The following UNC5A variants were observed in gnomAD, a reference collection of about 807,000 sequenced individuals.
UNC5A encodes the protein netrin receptor UNC5A.
A neutral mutation model predicts 87.4 loss-of-function variants in UNC5A; 20 were observed. The ratio of observed to expected loss-of-function variants is 0.23; its 90% confidence interval spans 0.16 to 0.33. UNC5A has a LOEUF of 0.33. Among genes scored for constraint, UNC5A ranks in the 10% least tolerant of loss-of-function variants. The pLI, the probability that UNC5A is intolerant of heterozygous loss-of-function variation, is 1.00. For synonymous variants in UNC5A, 438 were observed against 482.3 expected, an observed-to-expected ratio of 0.91 and a Z score of 1.20; for missense variants, 844 against 1,133.4, an observed-to-expected ratio of 0.74 and a Z score of 3.67.
chr5:176,811,920 A>T (rs528206610), intron 1 of UNC5A, among the ~76,000 whole-genome samples: 1 of 152,196 alleles, frequency 6.6e-6, no homozygotes, highest in Admixed American at 6.5e-5. Context: ...GATTGATCAG[A>T]GATCAATGAG....
At chr5:176,861,799 G>A (rs1757846103) in intron 1 of UNC5A, among the ~76,000 whole-genome samples, 1 of 133,562 alleles carries the variant, frequency 7.5e-6, no homozygotes, top group Non-Finnish European at 1.6e-5. Flanking sequence ...ATGCGCATTG[G>A]TGGGGGGATC....
intron 1 of UNC5A, among the ~76,000 whole-genome samples, chr5:176,858,768 A>AGGC (rs1757733697): frequency 2.0e-3 from 278 of 135,844 alleles, no homozygotes; most frequent in African/African-American, 8.3e-3. Context: ...GGAAGGAAGG[A>AGGC]AGGAAGGCAA....
At chr5:176,847,708 C>G (rs1266941057) in intron 1 of UNC5A, among the ~76,000 whole-genome samples, 7 of 152,050 alleles carry the variant, frequency 4.6e-5, no homozygotes, top group Admixed American at 6.5e-5. Context: ...CTCGGGGGGG[C>G]CCACAGTATA....
At chr5:176,812,827 C>T (rs1200132821) in intron 1 of UNC5A, among the ~76,000 whole-genome samples, 1 of 152,138 alleles carries the variant, frequency 6.6e-6, no homozygotes, top group African/African-American at 2.4e-5. Context: ...GGCCCTACTT[C>T]TTTGGGACTC....
intron 6 of UNC5A, among the ~76,000 whole-genome samples, chr5:176,872,175 T>C (rs1581276570): frequency 3.0e-5 from 2 of 66,288 alleles, no homozygotes; most frequent in Non-Finnish European, 5.7e-5. Flanking sequence ...CTGCCCACAC[T>C]CGCCCCACAC....
chr5:176,817,332 C>T (rs1158252790), intron 1 of UNC5A, among the ~76,000 whole-genome samples: 1 of 151,912 alleles, frequency 6.6e-6, no homozygotes, highest in Non-Finnish European at 1.5e-5. Flanking sequence ...GCACCTGAAG[C>T]GCCTTGGGGA....
chr5:176,869,666 T>A lies in UNC5A; in HGVS notation c.721+702T>A. On this transcript the variant is annotated intron_variant, in intron 5 of 14. Coordinates refer to ENST00000329542, the MANE Select transcript of UNC5A (RefSeq NM_133369.3). The surrounding 1 kb of genome is among the most constrained non-coding windows in gnomAD (Gnocchi z 9.1). ...AGTGGTCCGTCTGCAGCGCCAGCTG[T>A]GGGCGCGGCTGGCAGAAACGGAGCC... The A allele has an allele frequency of 1.4e-6, 1 of 698,704 alleles. No individual in the cohort carries two copies. The highest frequency in any genetic ancestry group is 2.6e-6 in the Non-Finnish European group (1 of 382,534). 43.3% of individuals were successfully genotyped at this position (698,704 alleles called of 1,614,324 possible). A position where few individuals can be genotyped will look rare whatever the true frequency, so the allele number is the denominator to read the frequency against.
chr5:176,877,692 G>A lies in UNC5A; in HGVS notation c.1624G>A (p.Gly542Ser). Residue 542 changes from glycine to serine, a missense_variant, in exon 10 of 15, where the codon GGC becomes AGC. Physicochemically the swap from Gly to Ser is moderately conservative, Grantham distance 56. Transcript: ENST00000329542. ...SLRLKKQSCE[G>S]SWEDVLHLGE... ...GCGCCTCAAAAAGCAGTCGTGCGAG[G>A]GCAGCTGGGAGGTGAGCAGGGAACT... is the stretch of plus-strand genomic sequence containing the variant. 2 of 1,603,952 alleles carry A rather than the reference G, an allele frequency of 1.2e-6. No individual in the cohort carries two copies. Among genetic ancestry groups the A allele is most frequent in the Non-Finnish European group, 1.7e-6 (2 of 1,173,854 alleles).
chr5:176,844,943 C>T lies in UNC5A; in HGVS notation c.71-17681C>T, dbSNP rs971988422. The stretch of plus-strand genomic sequence containing the variant: ...GGTGGGTTGGTGGCTCGCAGCTTGC[C>T]GGAAAAGCCCCACCTTATCAGAGGG... On this transcript the variant is annotated intron_variant, in intron 1 of 14. Transcript: ENST00000329542. The surrounding 1 kb of genome is among the most constrained non-coding windows in gnomAD (Gnocchi z 4.2). Among the ~76,000 whole-genome samples, 4 of 152,170 alleles carry T rather than the reference C, an allele frequency of 2.6e-5. No individual in the cohort carries two copies. The highest frequency in any genetic ancestry group is 4.8e-5 in the African/African-American group (2 of 41,434).
chr5:176,874,221 G>A lies in UNC5A; in HGVS notation c.1076-43G>A, dbSNP rs765382553. The A allele has an allele frequency of 6.9e-6, 11 of 1,591,814 alleles. No homozygotes were observed. In the South Asian group the frequency reaches 1.1e-4, roughly 16 times the overall value. On this transcript the variant is annotated intron_variant, in intron 7 of 14. Coordinates refer to ENST00000329542, the MANE Select transcript of UNC5A (RefSeq NM_133369.3). This position sits in a 1 kb window ranked among gnomAD's most constrained non-coding sequence, Gnocchi z 7.6. ...CCACGCCAAGGGCTGCTGGGGCAGGGATGCCCTAGGTGCCATTGCCTGAGT... is the reference window on the plus strand; with the variant it reads ...CCACGCCAAGGGCTGCTGGGGCAGGAATGCCCTAGGTGCCATTGCCTGAGT...
Position 176,865,536 on chromosome 5 carries a change from G to C in UNC5A, c.293-2594G>C, listed in dbSNP as rs1289538233. 2.2e-6 allele frequency: 1 copy of C among 454,604 alleles called. No individual in the cohort carries two copies. The highest frequency in any genetic ancestry group is 1.6e-5 in the South Asian group (1 of 64,480). 28.2% of individuals were successfully genotyped at this position (454,604 alleles called of 1,614,324 possible). A position where few individuals can be genotyped will look rare whatever the true frequency, so the allele number is the denominator to read the frequency against. On this transcript the variant is annotated intron_variant, in intron 2 of 14. Coordinates refer to ENST00000329542, the MANE Select transcript of UNC5A (RefSeq NM_133369.3). This position sits in a 1 kb window ranked among gnomAD's most constrained non-coding sequence, Gnocchi z 5.3. Reference sequence around the variant, plus strand: ...GGGTCCTCTTCTGCCCCGAGCATCCGACTCCAGCCTCCCATGGCCGGAACA... The same window carrying C: ...GGGTCCTCTTCTGCCCCGAGCATCCCACTCCAGCCTCCCATGGCCGGAACA...
At chr5:176,857,875 G>T (rs889621144) in intron 1 of UNC5A, among the ~76,000 whole-genome samples, 1 of 152,228 alleles carries the variant, frequency 6.6e-6, no homozygotes, top group African/African-American at 2.4e-5. Context: ...CACGTCCCTT[G>T]CCAGTGGGAA....
intron 1 of UNC5A, among the ~76,000 whole-genome samples, chr5:176,823,993 C>A (rs187651463): frequency 6.6e-6 from 1 of 152,346 alleles, no homozygotes; most frequent in African/African-American, 2.4e-5. Flanking sequence ...TATGAGAACC[C>A]AGCCTCTCCC....
intron 6 of UNC5A, among the ~76,000 whole-genome samples, chr5:176,872,993 C>A (rs36177274): frequency 0.08 from 1,544 of 19,256 alleles, 540 homozygotes; most frequent in Non-Finnish European, 0.17. Context: ...CCCACACCTG[C>A]CCCAACACCA....
Position 176,838,869 on chromosome 5 carries a change from T to C in UNC5A, c.71-23755T>C, listed in dbSNP as rs541742204. Among the ~76,000 whole-genome samples, 4 of 152,328 alleles carry C rather than the reference T, an allele frequency of 2.6e-5. No homozygotes were observed. The South Asian group carries it at 6.2e-4, about 24-fold the overall frequency. On this transcript the variant is annotated intron_variant, in intron 1 of 14. Transcript: ENST00000329542. This position sits in a 1 kb window ranked among gnomAD's most constrained non-coding sequence, Gnocchi z 4.2. ...ACCAGAGCCAGGGCAGGAGATAGCA[T>C]TGGTTTAAGCCAATCAGGGTCCATC... is the stretch of plus-strand genomic sequence containing the variant.
In UNC5A at chr5:176,866,174, C is replaced by T. The variant is rs576528292; in HGVS notation, c.293-1956C>T. Among the ~76,000 whole-genome samples, 229 of 152,216 alleles carry T rather than the reference C, an allele frequency of 1.5e-3. 1 individual carries two copies. The highest frequency in any genetic ancestry group is 5.3e-3 in the African/African-American group (222 of 41,536). Reference sequence around the variant, plus strand: ...CACTTATGGGCAGGTACAGACATAGCTGTACCCAGACACTGCTCCCAGGAA... The same window carrying T: ...CACTTATGGGCAGGTACAGACATAGTTGTACCCAGACACTGCTCCCAGGAA... On this transcript the variant is annotated intron_variant, in intron 2 of 14. Transcript: ENST00000329542. This position sits in a 1 kb window ranked among gnomAD's most constrained non-coding sequence, Gnocchi z 5.0.
At position 176,862,853 on chromosome 5, in the gene UNC5A, G is replaced by A. The variant is rs756125774; in HGVS notation, c.292+8G>A. The A allele has an allele frequency of 1.9e-5, 31 of 1,611,726 alleles. No individual in the cohort carries two copies. The highest frequency in any genetic ancestry group is 2.7e-5 in the African/African-American group (2 of 74,886). On this transcript the variant is annotated splice_region_variant and intron_variant, in intron 2 of 14. Transcript: ENST00000329542. ...GCACAGACGGGAGCAGTGGTGAGCC[G>A]CATGGGGCGCCAGGCAGGGCCAATC...
At chr5:176,839,481 T>C (rs114338694) in intron 1 of UNC5A, among the ~76,000 whole-genome samples, 1,745 of 152,326 alleles carry the variant, frequency 0.011, 33 homozygotes, top group African/African-American at 0.04. Context: ...ATCAGCATCG[T>C]TGAGCCCAGG....
Position 176,874,375 on chromosome 5 carries a change from A to G in UNC5A, c.1187A>G (p.Asn396Ser), listed in dbSNP as rs1446320285. ...DGPSPKFQLT[N>S]GHLLSPLGGG... is the part of the protein sequence containing the mutation. ...CCCAGCCCCAAGTTCCAGCTCACCA[A>G]TGGGCACCTGCTCAGCCCCCTGGGT... Residue 396 changes from asparagine to serine, a missense_variant, in exon 8 of 15, where the codon AAT becomes AGT. Physicochemically the swap from Asn to Ser is conservative, Grantham distance 46 (BLOSUM62 1). Coordinates refer to ENST00000329542, the MANE Select transcript of UNC5A (RefSeq NM_133369.3). The surrounding 1 kb of genome is among the most constrained non-coding windows in gnomAD (Gnocchi z 7.6). 2.5e-6 allele frequency: 4 copies of G among 1,613,532 alleles called. No homozygotes were observed. Among genetic ancestry groups the G allele is most frequent in the South Asian group, 1.1e-5 (1 of 91,056 alleles).
Sources: gnomAD v4.1 joint callset for allele counts (sites outside exome capture counted in the v4.1 genomes callset) on GRCh38, gnomAD v4.1.1 for gene constraint, Gnocchi (gnomAD v3.1) non-coding constraint, MANE v1.5 for transcripts, NCBI Gene and HGNC (gene_info 2026-07-23, HGNC 2026-07-21) for gene names.